The following CNTNAP2 variants were observed in gnomAD, a reference collection of about 807,000 sequenced individuals.
CNTNAP2 encodes contactin-associated protein-like 2.
A neutral mutation model predicts 155.2 loss-of-function variants in CNTNAP2; 98 were observed. The observed-to-expected ratio is 0.63, with a 90% CI of 0.54 to 0.75. The LOEUF (loss-of-function observed/expected upper bound fraction) is 0.75, where lower values mean the gene tolerates loss of function less well. CNTNAP2 is among the 30% of genes least tolerant of loss of function. The pLI is 0.00. For synonymous variants in CNTNAP2, 651 were observed against 631.2 expected (o/e 1.03, Z -0.47); for missense variants, 1,727 against 1,688.1 (o/e 1.02, Z -0.40).
chr7:148,124,878 A>T (rs1287017213), intron 16 of CNTNAP2, among the ~76,000 whole-genome samples: 1 of 152,122 alleles, frequency 6.6e-6, no homozygotes, highest in Non-Finnish European at 1.5e-5. Flanking sequence ...AAGATGAGGG[A>T]ATGCTTCAGT....
intron 10 of CNTNAP2, among the ~76,000 whole-genome samples, chr7:147,439,781 A>ATT (rs2116545107): frequency 6.6e-6 from 1 of 152,138 alleles, no homozygotes; most frequent in African/African-American, 2.4e-5. Context: ...GTGCATATAT[A>ATT]TTTAAAATTG....
chr7:147,274,227 C>T (rs940384534), intron 8 of CNTNAP2, among the ~76,000 whole-genome samples: 26 of 152,052 alleles, frequency 1.7e-4, no homozygotes, highest in African/African-American at 4.1e-4. Context: ...GAGAGGTCTC[C>T]GTATTGTTTT....
intron 1 of CNTNAP2, among the ~76,000 whole-genome samples, chr7:146,303,080 G>GTGTGTGTGTGTGTATGTGTT (rs1800641122): frequency 8.6e-6 from 1 of 116,468 alleles, no homozygotes. Context: ...GCATGTGTGT[G>GTGTGTGTGTGTGTATGTGTT]TGTGTGTGTG....
At chr7:146,675,401 G>A (rs1430394975) in intron 1 of CNTNAP2, among the ~76,000 whole-genome samples, 1 of 152,144 alleles carries the variant, frequency 6.6e-6, no homozygotes, top group African/African-American at 2.4e-5. Flanking sequence ...GCATGGGCTA[G>A]CAATCTTACT....
chr7:147,971,493 A>G lies in CNTNAP2; in HGVS notation c.2256-6369A>G, dbSNP rs138169533. On this transcript the variant is annotated intron_variant, in intron 14 of 23. Coordinates refer to ENST00000361727, the MANE Select transcript of CNTNAP2 (RefSeq NM_014141.6). ...TTCTACTCCCAGCCCGACAACCACT[A>G]ATCTCCTTTCTGTCCTGGTAGATTT... Among the ~76,000 whole-genome samples the G allele has an allele frequency of 5.2e-3, 794 of 152,208 alleles. 14 individuals are homozygous for G. Among genetic ancestry groups the G allele is most frequent in the Admixed American group, 0.045 (681 of 15,284 alleles).
At chr7:146,577,690 T>C (rs1798546549) in intron 1 of CNTNAP2, among the ~76,000 whole-genome samples, 1 of 152,110 alleles carries the variant, frequency 6.6e-6, no homozygotes, top group African/African-American at 2.4e-5. Flanking sequence ...AAGATCAATA[T>C]TTGTAAAGCA....
intron 13 of CNTNAP2, among the ~76,000 whole-genome samples, chr7:147,830,173 A>T (rs1287996438): frequency 2.6e-5 from 4 of 151,858 alleles, no homozygotes; most frequent in Admixed American, 6.6e-5. Context: ...TAAAAAAAAA[A>T]AAAAAACATA....
At chr7:148,362,700 G>A (rs968267269) in intron 21 of CNTNAP2, among the ~76,000 whole-genome samples, 11 of 152,132 alleles carry the variant, frequency 7.2e-5, no homozygotes, top group Non-Finnish European at 1.3e-4. Context: ...CTTACTACTC[G>A]TGTGCCAAAT....
chr7:148,233,684 G>A (rs925833629), intron 20 of CNTNAP2, among the ~76,000 whole-genome samples: 1 of 152,338 alleles, frequency 6.6e-6, no homozygotes, highest in East Asian at 1.9e-4. Context: ...AACGTGCTAA[G>A]CACTTTAGAC....
chr7:146,847,534 T>C (rs1444788839), intron 3 of CNTNAP2, among the ~76,000 whole-genome samples: 2 of 152,220 alleles, frequency 1.3e-5, no homozygotes, highest in Non-Finnish European at 2.9e-5. Flanking sequence ...TTTAGAGCAA[T>C]GTCTGGAACA....
At chr7:147,995,231 A>T (rs1385345594) in intron 15 of CNTNAP2, among the ~76,000 whole-genome samples, 1 of 152,198 alleles carries the variant, frequency 6.6e-6, no homozygotes, top group Non-Finnish European at 1.5e-5. Context: ...AGCACAAACC[A>T]CATTGTTTGT....
intron 9 of CNTNAP2, among the ~76,000 whole-genome samples, chr7:147,340,309 T>C (rs1421206076): frequency 6.6e-6 from 1 of 152,196 alleles, no homozygotes; most frequent in Non-Finnish European, 1.5e-5. Context: ...AACCATATTT[T>C]AGCACAAATA....
At chr7:147,510,694 A>G (rs960934119) in intron 11 of CNTNAP2, among the ~76,000 whole-genome samples, 2 of 151,596 alleles carry the variant, frequency 1.3e-5, no homozygotes, top group African/African-American at 4.8e-5. Flanking sequence ...TTATTAATTC[A>G]TAATTCCCAA....
intron 8 of CNTNAP2, among the ~76,000 whole-genome samples, chr7:147,292,654 A>G (rs559817582): frequency 2.0e-4 from 30 of 152,300 alleles, no homozygotes; most frequent in Admixed American, 1.8e-3. Flanking sequence ...TGCAGACAAG[A>G]TAAGGACCAC....
intron 1 of CNTNAP2, among the ~76,000 whole-genome samples, chr7:146,571,289 T>C (rs1798436285): frequency 6.6e-6 from 1 of 152,002 alleles, no homozygotes; most frequent in Non-Finnish European, 1.5e-5. Flanking sequence ...TCCACTCTGC[T>C]CAGATACAGG....
intron 1 of CNTNAP2, among the ~76,000 whole-genome samples, chr7:146,164,787 T>C (rs1798287143): frequency 6.7e-6 from 1 of 149,894 alleles, no homozygotes; most frequent in Non-Finnish European, 1.5e-5. Context: ...TTTAAACGCA[T>C]CTTCCGTTTC....
At chr7:147,051,724 C>G (rs1799477731) in intron 4 of CNTNAP2, among the ~76,000 whole-genome samples, 1 of 151,834 alleles carries the variant, frequency 6.6e-6, no homozygotes, top group African/African-American at 2.4e-5. Flanking sequence ...CTTAGAGGAT[C>G]AATATATTTG....
At chr7:147,327,539 A>G (rs1795482683) in intron 9 of CNTNAP2, among the ~76,000 whole-genome samples, 1 of 152,240 alleles carries the variant, frequency 6.6e-6, no homozygotes, top group South Asian at 2.1e-4. Context: ...ATAGATCAGA[A>G]TAAAAAAGCA....
chr7:146,988,936 A>G (rs1798162869), intron 3 of CNTNAP2, among the ~76,000 whole-genome samples: 1 of 152,154 alleles, frequency 6.6e-6, no homozygotes, highest in Admixed American at 6.5e-5. Context: ...CCTGATGAAC[A>G]TTTCTACTTT....
Sources: allele counts gnomAD v4.1 joint callset (sites outside exome capture counted in the v4.1 genomes callset), GRCh38; gene constraint gnomAD v4.1.1; transcripts MANE v1.5; gene names NCBI Gene and HGNC (gene_info 2026-07-23, HGNC 2026-07-21).